The following RUFY2 variants were observed in gnomAD, a reference collection of about 807,000 sequenced individuals.
RUFY2 encodes the protein RUN and FYVE domain containing 2, also known as RUN and FYVE domain-containing protein 2.
A neutral mutation model predicts 94.4 loss-of-function variants in RUFY2; 49 were observed. The observed-to-expected ratio is 0.52, with a 90% CI of 0.41 to 0.66. The LOEUF is 0.66. Among genes scored for constraint, RUFY2 ranks in the 30% least tolerant of loss-of-function variants. RUFY2 has a pLI of 0.00. For missense variants in RUFY2, 541 were observed against 692.8 expected (o/e 0.78, Z 2.46); for synonymous variants, 255 against 235.7 (o/e 1.08, Z -0.75).
intron 2 of RUFY2, among the ~76,000 whole-genome samples, chr10:68,403,416 A>G (rs1043678029): frequency 1.3e-5 from 2 of 151,496 alleles, no homozygotes; most frequent in Non-Finnish European, 2.9e-5. Flanking sequence ...CAGCCTGGCT[A>G]ATTTTTGTAT....
Position 68,345,911 on chromosome 10 carries a change from G to T in RUFY2, c.1678C>A (p.His560Asn), listed in dbSNP as rs546664386. Reference protein sequence around the residue: ...EKEFSLSKRKHHCRNCGEIFC... With the variant: ...EKEFSLSKRKNHCRNCGEIFC... ...ATTTCCCCACAATTTCTACAGTGGTGCTATTAAACAGAAAAATCAGAGGGA... is the reference window on the plus strand; with the variant it reads ...ATTTCCCCACAATTTCTACAGTGGTTCTATTAAACAGAAAAATCAGAGGGA... Residue 560 changes from histidine (H) to asparagine (N), a missense_variant and splice_region_variant, in exon 18 of 18, where the codon CAC (histidine) becomes AAC (asparagine). Physicochemically the swap from His to Asn is moderately conservative, Grantham distance 68 (BLOSUM62 1). Transcript: ENST00000602465. 2 of 1,613,326 alleles carry T rather than the reference G, an allele frequency of 1.2e-6. No individual in the cohort carries two copies. The highest frequency in any genetic ancestry group is 2.2e-5 in the South Asian group (2 of 90,802).
At position 68,389,917 on chromosome 10, in the gene RUFY2, T is replaced by C. The variant is rs2049854315; in HGVS notation, c.650+3221A>G. 1.3e-5 allele frequency among the ~76,000 whole-genome samples: 2 copies of C among 152,190 alleles called. 1 individual carries two copies. Among genetic ancestry groups the C allele is most frequent in the South Asian group, 4.1e-4 (2 of 4,830 alleles). ...ACATATTATTGCTATGAGCATAAAG[T>C]ATCTCTGGATACACAAGAACCTAAT... On this transcript the variant is annotated intron_variant, in intron 7 of 17. Transcript: ENST00000602465.
intron 16 of RUFY2, among the ~76,000 whole-genome samples, chr10:68,349,108 C>G (rs965521668): frequency 2.7e-4 from 41 of 152,178 alleles, no homozygotes; most frequent in African/African-American, 9.4e-4. Context: ...ATGGTGAGGC[C>G]TACCAGTTTT....
intron 16 of RUFY2, among the ~76,000 whole-genome samples, chr10:68,350,624 A>G (rs2046595020): frequency 6.6e-6 from 1 of 152,202 alleles, no homozygotes; most frequent in Non-Finnish European, 1.5e-5. Context: ...TAAAGAGGAG[A>G]GTGCAATCAA....
intron 16 of RUFY2, 86 bp from the exon 17 acceptor site, chr10:68,346,170 G>A: frequency 1.1e-6 from 1 of 924,478 alleles, no homozygotes; most frequent in Non-Finnish European, 1.7e-6. Context: ...ATTATTTATA[G>A]GAATAGATAT....
intron 7 of RUFY2, among the ~76,000 whole-genome samples, chr10:68,392,888 AC>A (rs1432431018): frequency 1.3e-5 from 2 of 149,386 alleles, no homozygotes; most frequent in Non-Finnish European, 3.0e-5. Context: ...GGATCATGCC[AC>A]TGCACTCCAG....
intron 16 of RUFY2, among the ~76,000 whole-genome samples, chr10:68,349,701 G>C (rs909969830): frequency 6.6e-6 from 1 of 151,888 alleles, no homozygotes; most frequent in Non-Finnish European, 1.5e-5. Context: ...ACTGCACCCA[G>C]CTAATTTTTT....
intron 13 of RUFY2, among the ~76,000 whole-genome samples, chr10:68,365,343 C>T (rs2132506531): frequency 6.6e-6 from 1 of 152,298 alleles, no homozygotes; most frequent in East Asian, 1.9e-4. Context: ...GTGAAGTCTG[C>T]ACATTCTCTC....
intron 7 of RUFY2, among the ~76,000 whole-genome samples, chr10:68,391,653 CAAAAAAAAA>C (rs1230935983): frequency 3.5e-5 from 1 of 28,796 alleles, no homozygotes; most frequent in African/African-American, 1.5e-4. Context: ...GACCCTGTCT[CAAAAAAAAA>C]AAAAAAAAAA....
chr10:68,342,500 GTAAA>G (rs2046026890), downstream of RUFY2: 1 of 153,762 alleles, frequency 6.5e-6, no homozygotes, highest in African/African-American at 2.4e-5. Context: ...GGACAACACT[GTAAA>G]TATAAAGCCT....
rs748412187 is a variant in RUFY2 at position 68,355,358 on chromosome 10, A to G, written c.1594T>C (p.Leu532=). 2 of 1,611,312 alleles carry G rather than the reference A, an allele frequency of 1.2e-6. No individual in the cohort carries two copies. The highest frequency in any genetic ancestry group is 3.3e-5 in the Admixed American group (2 of 59,826). ...TAGGAAAACGTTCTACTCACCTGCA[A>G]TGCTTTGTTGGCTTCTTTTATGTCT... ...IEDIKEANKA[L]QGLVWLKDKE... is the part of the protein sequence containing the mutation. Residue 532 remains leucine (L), a synonymous_variant, in exon 16 of 18, where the codon TTG becomes CTG. Coordinates refer to ENST00000602465, the MANE Select transcript of RUFY2 (RefSeq NM_001330103.2).
intron 10 of RUFY2, among the ~76,000 whole-genome samples, chr10:68,383,413 G>T (rs2049240073): frequency 6.6e-6 from 1 of 152,142 alleles, no homozygotes; most frequent in African/African-American, 2.4e-5. Context: ...GAGGCCAGGA[G>T]TTCAAGACCA....
At chr10:68,393,598 G>A (rs1283601366) in intron 6 of RUFY2, among the ~76,000 whole-genome samples, 4 of 151,818 alleles carry the variant, frequency 2.6e-5, no homozygotes, top group Non-Finnish European at 5.9e-5. Context: ...GCATGGTGGC[G>A]GGTGCCTGTA....
At chr10:68,375,320 G>A (rs2048554130) in intron 13 of RUFY2, among the ~76,000 whole-genome samples, 1 of 129,228 alleles carries the variant, frequency 7.7e-6, no homozygotes, top group African/African-American at 2.9e-5. Flanking sequence ...TGAGGGGGGA[G>A]GATGGGGGGA....
downstream of RUFY2, chr10:68,342,094 T>C: frequency 2.1e-6 from 3 of 1,426,104 alleles, no homozygotes; most frequent in South Asian, 1.2e-5. Flanking sequence ...CAACAGCATC[T>C]GGTCTACTAG....
rs1554873780 is a variant in RUFY2 at position 68,348,522 on chromosome 10, G to GGA, written c.1600-2439_1600-2438insTC. Among the ~76,000 whole-genome samples the GGA allele has an allele frequency of 2.0e-3, 275 of 138,776 alleles. 1 individual carries two copies. Among genetic ancestry groups the GGA allele is most frequent in the African/African-American group, 6.9e-3 (264 of 38,004 alleles). The allele number at this position is 138,776 out of a possible 152,430, so 91.0% of individuals were successfully genotyped here. A position where few individuals can be genotyped will look rare whatever the true frequency, so the allele number is the denominator to read the frequency against. ...ACAGAGGAAACTCTGTCTCTGAGGG[G>GGA]AAAAAAAAAAAAAGGCAGCAGCAGG... On this transcript the variant is annotated intron_variant, in intron 16 of 17. Coordinates refer to ENST00000602465, the MANE Select transcript of RUFY2 (RefSeq NM_001330103.2).
chr10:68,374,114 CAA>C (rs34041522), intron 13 of RUFY2, among the ~76,000 whole-genome samples: 5 of 59,338 alleles, frequency 8.4e-5, no homozygotes, highest in Middle Eastern at 0.015. Flanking sequence ...GATCCTGTCC[CAA>C]AAAAAAAAAA....
At chr10:68,350,033 G>T (rs1225415988) in intron 16 of RUFY2, among the ~76,000 whole-genome samples, 1 of 149,058 alleles carries the variant, frequency 6.7e-6, no homozygotes, top group Non-Finnish European at 1.5e-5. Context: ...TTATTTAGAT[G>T]GAGTCTCGCT....
intron 13 of RUFY2, among the ~76,000 whole-genome samples, chr10:68,373,207 T>C (rs1466602782): frequency 6.6e-6 from 1 of 152,120 alleles, no homozygotes; most frequent in Admixed American, 6.6e-5. Flanking sequence ...AAATAGCATA[T>C]GTGTAATATA....
Sources: allele counts gnomAD v4.1 joint callset (sites outside exome capture counted in the v4.1 genomes callset), GRCh38; gene constraint gnomAD v4.1.1; transcripts MANE v1.5; gene names NCBI Gene and HGNC (gene_info 2026-07-23, HGNC 2026-07-21).